Variants in ISM1 observed in about 807,000 individuals in gnomAD.
The protein encoded by ISM1 is isthmin 1.
ISM1 carries 25 observed loss-of-function variants against 46.3 expected under a neutral mutation model. The observed-to-expected ratio is 0.54, with a 90% CI of 0.39 to 0.75. The LOEUF is 0.75. ISM1 is among the 30% of genes least tolerant of loss of function. ISM1 has a pLI of 0.00. For missense variants in ISM1, 536 were observed against 625.4 expected (o/e 0.86, Z 1.52); for synonymous variants, 255 against 256.7 (o/e 0.99, Z 0.06).
At chr20:13,323,784 A>C in the ISM1 span, among the ~76,000 whole-genome samples, 1 of 152,214 alleles carries the variant, frequency 6.6e-6, no homozygotes, top group Non-Finnish European at 1.5e-5. Context: ...CAATCCCAGA[A>C]TTTTGAAATG....
chr20:13,243,436 G>C (rs4814208), intron 1 of ISM1, among the ~76,000 whole-genome samples: 37,666 of 151,978 alleles, frequency 0.25, 4,754 homozygotes, highest in African/African-American at 0.3. Context: ...ACAAAGACAC[G>C]TATTTTTGGT....
chr20:13,259,280 C>CA (rs60585146), intron 1 of ISM1, among the ~76,000 whole-genome samples: 29,894 of 116,222 alleles, frequency 0.26, 3,437 homozygotes, highest in East Asian at 0.45. Context: ...GACTCTGTCT[C>CA]AAAAAAAAAA....
chr20:13,271,106 G>A (rs1220154035), intron 2 of ISM1, among the ~76,000 whole-genome samples: 3 of 152,170 alleles, frequency 2.0e-5, no homozygotes, highest in African/African-American at 7.2e-5. Flanking sequence ...AAATGTGGCC[G>A]TTATAGGAAA....
intron 1 of ISM1, among the ~76,000 whole-genome samples, chr20:13,242,072 A>G (rs1250865805): frequency 6.6e-6 from 1 of 152,184 alleles, no homozygotes; most frequent in Non-Finnish European, 1.5e-5. Flanking sequence ...TAAAACTGGA[A>G]AAATGAGTTA....
chr20:13,323,031 G>A, the ISM1 span, among the ~76,000 whole-genome samples: 2 of 152,026 alleles, frequency 1.3e-5, no homozygotes, highest in Non-Finnish European at 2.9e-5. Context: ...CTGACTTCCA[G>A]AACAATTGGG....
chr20:13,282,907 A>T, intron 3 of ISM1, among the ~76,000 whole-genome samples: 1 of 152,232 alleles, frequency 6.6e-6, no homozygotes, highest in African/African-American at 2.4e-5. Flanking sequence ...GTAGGTGCTC[A>T]GTAGCATTTG....
chr20:13,269,361 TAAAG>T (rs941674673), intron 1 of ISM1, among the ~76,000 whole-genome samples: 2 of 152,196 alleles, frequency 1.3e-5, no homozygotes, highest in African/African-American at 4.8e-5. Flanking sequence ...CCCATAGTGA[TAAAG>T]AAATGGTGAC....
chr20:13,276,859 T>C (rs2040185927), intron 2 of ISM1, among the ~76,000 whole-genome samples: 1 of 152,366 alleles, frequency 6.6e-6, no homozygotes, highest in East Asian at 1.9e-4. Flanking sequence ...TGGATGCCTA[T>C]GAAACCTCAG....
intron 1 of ISM1, among the ~76,000 whole-genome samples, chr20:13,267,169 A>G (rs1478949258): frequency 6.6e-6 from 1 of 152,182 alleles, no homozygotes; most frequent in African/African-American, 2.4e-5. Flanking sequence ...GGGGCATGCC[A>G]TTGCAAGGAG....
At chr20:13,270,416 C>G in intron 1 of ISM1, 88 bp from the exon 2 acceptor site, 1 of 1,434,966 alleles carries the variant, frequency 7.0e-7, no homozygotes, top group Non-Finnish European at 9.4e-7. Context: ...TGGAATTGTC[C>G]TTGCTCCTGA....
intron 1 of ISM1, among the ~76,000 whole-genome samples, chr20:13,244,589 G>C (rs990526353): frequency 2.6e-5 from 4 of 152,166 alleles, no homozygotes; most frequent in Admixed American, 2.6e-4. Context: ...TATTTAGCAT[G>C]AAGGCTTATT....
chr20:13,311,539 G>A, the ISM1 span, among the ~76,000 whole-genome samples: 1 of 152,152 alleles, frequency 6.6e-6, no homozygotes, highest in African/African-American at 2.4e-5. Context: ...CAACATAAGT[G>A]TTCATATACA....
At chr20:13,271,160 T>C (rs974773257) in intron 2 of ISM1, among the ~76,000 whole-genome samples, 1 of 152,246 alleles carries the variant, frequency 6.6e-6, no homozygotes, top group South Asian at 2.1e-4. Flanking sequence ...TGTTTTCAAA[T>C]ATGAGTTCAA....
chr20:13,325,388 A>G, the ISM1 span, among the ~76,000 whole-genome samples: 3 of 152,366 alleles, frequency 2.0e-5, no homozygotes, highest in South Asian at 2.1e-4. Context: ...CTCTTCTGGT[A>G]TCTGTCTCCA....
At chr20:13,251,434 G>A (rs113531812) in intron 1 of ISM1, among the ~76,000 whole-genome samples, 3 of 152,222 alleles carry the variant, frequency 2.0e-5, no homozygotes, top group African/African-American at 4.8e-5. Context: ...AACATGCGTC[G>A]TGGAATCTCT....
chr20:13,224,707 T>C (rs996363643), intron 1 of ISM1, among the ~76,000 whole-genome samples: 1 of 152,176 alleles, frequency 6.6e-6, no homozygotes, highest in African/African-American at 2.4e-5. Flanking sequence ...AAGGGACACA[T>C]TCTTATTTAA....
chr20:13,234,748 GTCT>G (rs2039628850), intron 1 of ISM1, among the ~76,000 whole-genome samples: 1 of 152,058 alleles, frequency 6.6e-6, no homozygotes, highest in African/African-American at 2.4e-5. Flanking sequence ...CCTCTTGTAT[GTCT>G]TCTTTTGAAA....
chr20:13,245,585 T>G (rs2039783730), intron 1 of ISM1, among the ~76,000 whole-genome samples: 1 of 152,142 alleles, frequency 6.6e-6, no homozygotes, highest in African/African-American at 2.4e-5. Flanking sequence ...CCCCTCCACA[T>G]GTACCTGCCC....
intron 1 of ISM1, among the ~76,000 whole-genome samples, chr20:13,253,313 G>A (rs1196271531): frequency 3.3e-5 from 5 of 151,524 alleles, no homozygotes; most frequent in Non-Finnish European, 5.9e-5. Context: ...CTTCCCTCAC[G>A]GTGTTATCAT....
Sources: allele counts gnomAD v4.1 joint callset (sites outside exome capture counted in the v4.1 genomes callset), GRCh38; gene constraint gnomAD v4.1.1; transcripts MANE v1.5; gene names NCBI Gene and HGNC (gene_info 2026-07-23, HGNC 2026-07-21).